The following ITPK1 variants were observed in gnomAD, a reference collection of about 807,000 sequenced individuals.
ITPK1 encodes inositol-tetrakisphosphate 1-kinase, also known as inositol 1,3,4-trisphosphate 5/6-kinase.
A neutral mutation model predicts 45.3 loss-of-function variants in ITPK1; 21 were observed. The ratio of observed to expected loss-of-function variants is 0.46; its 90% CI spans 0.33 to 0.67. The LOEUF is 0.67. Ranked by LOEUF, ITPK1 falls within the 30% of genes least tolerant of loss-of-function variation. ITPK1 has a pLI of 0.02. For synonymous variants in ITPK1, 258 were observed against 253.6 expected (o/e 1.02, Z -0.16); for missense variants, 474 against 573.5 (o/e 0.83, Z 1.77).
intron 3 of ITPK1, among the ~76,000 whole-genome samples, chr14:93,038,778 C>T (rs146442230): frequency 0.014 from 2,122 of 152,308 alleles, 50 homozygotes; most frequent in African/African-American, 0.048. Flanking sequence ...CCACCCGTTT[C>T]GGCCTCCCAA....
intron 2 of ITPK1, among the ~76,000 whole-genome samples, chr14:93,106,747 A>G (rs1459506991): frequency 6.6e-6 from 1 of 152,068 alleles, no homozygotes; most frequent in African/African-American, 2.4e-5. Flanking sequence ...AAGGACCAGC[A>G]CCCAGCACAG....
intron 2 of ITPK1, among the ~76,000 whole-genome samples, chr14:93,091,013 C>T (rs1313334909): frequency 6.6e-6 from 1 of 152,156 alleles, no homozygotes; most frequent in Non-Finnish European, 1.5e-5. Context: ...CTGGGGCTTG[C>T]AGGCAGCCAA....
intron 3 of ITPK1, among the ~76,000 whole-genome samples, chr14:93,046,596 G>A (rs1383101929): frequency 6.7e-6 from 1 of 150,050 alleles, no homozygotes; most frequent in African/African-American, 2.5e-5. Flanking sequence ...GCCGGGGGCG[G>A]GGGGGGGCGG....
At chr14:92,953,916 T>TG (rs1888078344) in intron 8 of ITPK1, among the ~76,000 whole-genome samples, 1 of 152,186 alleles carries the variant, frequency 6.6e-6, no homozygotes, top group African/African-American at 2.4e-5. Context: ...TTTTTTGAGA[T>TG]GGAGTCTCAC....
rs117127496 is a variant in ITPK1 at position 93,100,211 on chromosome 14, T to C, written c.95+14858A>G. On this transcript the variant is annotated intron_variant, in intron 2 of 10. Transcript: ENST00000267615. Reference sequence around the variant, plus strand: ...ACAAATCAGAGGCCAACAGAAGGAATCCCTGTCCCTGTGGACCTGGAGCAT... The same window carrying C: ...ACAAATCAGAGGCCAACAGAAGGAACCCCTGTCCCTGTGGACCTGGAGCAT... 7.2e-5 allele frequency among the ~76,000 whole-genome samples: 11 copies of C among 152,194 alleles called. No individual in the cohort carries two copies. In the East Asian group the frequency reaches 2.1e-3, roughly 29 times the overall value.
chr14:93,057,110 T>C (rs1360661407), intron 3 of ITPK1, among the ~76,000 whole-genome samples: 1 of 152,172 alleles, frequency 6.6e-6, no homozygotes, highest in African/African-American at 2.4e-5. Context: ...GGATGAGTAA[T>C]GCTGTCAGGA....
In ITPK1 at chr14:92,958,648, G is replaced by A. The variant is rs941025939; in HGVS notation, c.505-282C>T. On this transcript the variant is annotated intron_variant, in intron 7 of 10. Coordinates refer to ENST00000267615, the MANE Select transcript of ITPK1 (RefSeq NM_014216.6). This position sits in a 1 kb window ranked among gnomAD's most constrained non-coding sequence, Gnocchi z 4.4. The stretch of plus-strand genomic sequence containing the variant: ...TGCACTGCACAACTTCTGAGAGCGT[G>A]ACACCACTTGTCGCACTGTGGTCCA... Among the ~76,000 whole-genome samples the A allele has an allele frequency of 3.3e-5, 5 of 152,184 alleles. No homozygotes were observed. Among genetic ancestry groups the A allele is most frequent in the Non-Finnish European group, 7.3e-5 (5 of 68,034 alleles).
At chr14:93,064,006 G>C (rs1022421149) in intron 3 of ITPK1, among the ~76,000 whole-genome samples, 1 of 151,940 alleles carries the variant, frequency 6.6e-6, no homozygotes, top group South Asian at 2.1e-4. Flanking sequence ...AAAATTGGCC[G>C]GGCATGGTGG....
intron 3 of ITPK1, among the ~76,000 whole-genome samples, chr14:93,040,446 C>G (rs1165743377): frequency 2.0e-5 from 3 of 152,186 alleles, no homozygotes; most frequent in Non-Finnish European, 1.5e-5. Flanking sequence ...CCCTCACCAC[C>G]AACAGAATGA....
chr14:93,102,578 C>T (rs937851668), intron 2 of ITPK1, among the ~76,000 whole-genome samples: 13 of 152,086 alleles, frequency 8.5e-5, no homozygotes, highest in African/African-American at 2.7e-4. Flanking sequence ...ATCACTTAAA[C>T]CTGGGAGGTG....
At chr14:92,962,911 T>C (rs1285947127) in intron 5 of ITPK1, 62 bp from the exon 6 acceptor site, 12 of 1,182,642 alleles carry the variant, frequency 1.0e-5, no homozygotes, top group Non-Finnish European at 1.4e-5. Flanking sequence ...GTGCACGTCC[T>C]GTGACAGCCC....
chr14:93,098,443 C>T lies in ITPK1; in HGVS notation c.95+16626G>A, dbSNP rs1283581356. Among the ~76,000 whole-genome samples, 6 of 143,754 alleles carry T rather than the reference C, an allele frequency of 4.2e-5. No homozygotes were observed. In the East Asian group the frequency reaches 7.9e-4, roughly 19 times the overall value. 94.3% of individuals were successfully genotyped at this position (143,754 alleles called of 152,430 possible). A position where few individuals can be genotyped will look rare whatever the true frequency, so the allele number is the denominator to read the frequency against. Reference sequence around the variant, plus strand: ...CCGCACTCCAACCTGGGCGACAGAGCGAGATTCCGTCTCAAAAAAAAAAAA... The same window carrying T: ...CCGCACTCCAACCTGGGCGACAGAGTGAGATTCCGTCTCAAAAAAAAAAAA... On this transcript the variant is annotated intron_variant, in intron 2 of 10. Coordinates refer to ENST00000267615, the MANE Select transcript of ITPK1 (RefSeq NM_014216.6).
intron 2 of ITPK1, among the ~76,000 whole-genome samples, chr14:93,087,090 A>C (rs1371276675): frequency 6.6e-6 from 1 of 152,214 alleles, no homozygotes; most frequent in Non-Finnish European, 1.5e-5. Flanking sequence ...AAATCACAAC[A>C]GTAGTGGCTA....
intron 9 of ITPK1, among the ~76,000 whole-genome samples, chr14:92,948,780 G>C (rs1028254531): frequency 1.4e-5 from 2 of 138,734 alleles, no homozygotes; most frequent in Non-Finnish European, 3.1e-5. Context: ...CGCTGAGCAG[G>C]GACCCACGCC....
rs528828513 is a variant in ITPK1 at position 93,079,795 on chromosome 14, G to T, written c.96-3176C>A. Among the ~76,000 whole-genome samples, 5 of 152,330 alleles carry T rather than the reference G, an allele frequency of 3.3e-5. No individual in the cohort carries two copies. In the East Asian group the frequency reaches 9.6e-4, roughly 29 times the overall value. On this transcript the variant is annotated intron_variant, in intron 2 of 10. Transcript: ENST00000267615. ...CAGAAATTGAATGATGAAGCCAAAGGGGAAGAGGGAGAAGGAAGGGACATG... is the reference window on the plus strand; with the variant it reads ...CAGAAATTGAATGATGAAGCCAAAGTGGAAGAGGGAGAAGGAAGGGACATG...
intron 5 of ITPK1, 134 bp downstream of exon 5, chr14:92,993,746 T>C: frequency 1.5e-6 from 1 of 648,218 alleles, no homozygotes. Context: ...GACTGCACCA[T>C]GGAATTCAAA....
chr14:93,038,802 C>T (rs1889430528), intron 3 of ITPK1, among the ~76,000 whole-genome samples: 1 of 152,190 alleles, frequency 6.6e-6, no homozygotes, highest in African/African-American at 2.4e-5. Context: ...GCTGGGATTA[C>T]AGGCGTGAGC....
At chr14:92,949,771 AATCTCAG>A (rs2139711577) in intron 9 of ITPK1, among the ~76,000 whole-genome samples, 1 of 152,370 alleles carries the variant, frequency 6.6e-6, no homozygotes, top group South Asian at 2.1e-4. Flanking sequence ...CTGGTTGCAG[AATCTCAG>A]AAATCCTTCC....
At position 92,941,226 on chromosome 14, in the gene ITPK1, G is replaced by A; in HGVS notation, c.*335C>T. 7.6e-7 allele frequency: 1 copy of A among 1,309,146 alleles called. No homozygotes were observed. Among genetic ancestry groups the A allele is most frequent in the Non-Finnish European group, 9.8e-7 (1 of 1,023,484 alleles). 81.1% of individuals were successfully genotyped at this position (1,309,146 alleles called of 1,614,324 possible). The stretch of plus-strand genomic sequence containing the variant: ...GCCATGGAGACCAACAGACAGGGAT[G>A]TGCACAGACACTGGCATGGCAGCCA... On this transcript the variant is annotated 3_prime_UTR_variant, in exon 11 of 11. Coordinates refer to ENST00000267615, the MANE Select transcript of ITPK1 (RefSeq NM_014216.6).
Sources: allele counts gnomAD v4.1 joint callset (sites outside exome capture counted in the v4.1 genomes callset), GRCh38; gene constraint gnomAD v4.1.1; non-coding constraint Gnocchi (gnomAD v3.1); transcripts MANE v1.5; gene names NCBI Gene and HGNC (gene_info 2026-07-23, HGNC 2026-07-21).